The following MSN variants were observed in gnomAD, a reference collection of about 807,000 sequenced individuals.
MSN encodes the protein moesin.
Under a neutral mutation model 48.0 loss-of-function variants are expected in MSN, and 2 were observed. The ratio of observed to expected loss-of-function variants is 0.04; its 90% confidence interval spans 0.02 to 0.13. The LOEUF (loss-of-function observed/expected upper bound fraction) is 0.13. Among genes scored for constraint, MSN ranks in the 10% least tolerant of loss-of-function variants. The probability of loss-of-function intolerance (pLI) is 1.00; values close to 1 mark genes in which losing one functional copy is unlikely to be tolerated. For missense variants in MSN, 267 were observed against 470.1 expected (o/e 0.57, Z 3.99); for synonymous variants, 146 against 166.9 (o/e 0.87, Z 0.97).
chrX:65,703,724 G>A (rs928100956), intron 1 of MSN, among the ~76,000 whole-genome samples: 1 of 111,427 alleles, frequency 9.0e-6, no homozygotes, highest in African/African-American at 3.3e-5. Flanking sequence ...ACAGGCGTGC[G>A]CCACCATGCC....
chrX:65,678,467 G>C (rs753851334), intron 1 of MSN, among the ~76,000 whole-genome samples: 1 of 111,625 alleles, frequency 9.0e-6, no homozygotes, highest in Admixed American at 9.5e-5. Context: ...GCCTAAAGAG[G>C]TTCAGAGTGT....
intron 1 of MSN, among the ~76,000 whole-genome samples, chrX:65,710,729 T>TA (rs2071405345): frequency 9.0e-6 from 1 of 111,442 alleles, no homozygotes; most frequent in East Asian, 2.8e-4. Context: ...CTTTTTTTTT[T>TA]AGATGAAGTC....
chrX:65,736,065 A>T (rs2071672883), intron 8 of MSN, among the ~76,000 whole-genome samples: 1 of 112,258 alleles, frequency 8.9e-6, no homozygotes, highest in Non-Finnish European at 1.9e-5. Context: ...TAGGGCAGGC[A>T]GTGTTAGACC....
rs565992933 is a variant in MSN at position 65,608,699 on chromosome X, G to C, written c.-22+20087G>C. Among the ~76,000 whole-genome samples, 6 of 111,330 alleles carry C rather than the reference G, an allele frequency of 5.4e-5. No individual in the cohort carries two copies. The South Asian group carries it at 2.3e-3, about 43-fold the overall frequency. On this transcript the variant is annotated intron_variant, in intron 1 of 3. Coordinates refer to the MSN transcript ENST00000609672. ...TGGCAGAGTACATGGCATGCTGTCT[G>C]TGTGGAGTAAACAAGAGCTTTGGAA... is the stretch of plus-strand genomic sequence containing the variant.
Position 65,740,939 on chromosome X carries a change from A to G in MSN, c.*1046A>G, listed in dbSNP as rs13731. 0.18 allele frequency: 29,967 copies of G among 169,351 alleles called. 8,415 individuals carry two copies. Among genetic ancestry groups the G allele is most frequent in the African/African-American group, 0.82 (27,465 of 33,419 alleles). The allele number at this position is 169,351 out of a possible 1,213,427, so 14.0% of individuals were successfully genotyped here. On this transcript the variant is annotated 3_prime_UTR_variant, in exon 13 of 13. Transcript: ENST00000360270. Reference sequence around the variant, plus strand: ...ATAGCTCCTGCTCCACAGCCATCCCAGCCTTGGCATCTAGAGCTTGATGCC... The same window carrying G: ...ATAGCTCCTGCTCCACAGCCATCCCGGCCTTGGCATCTAGAGCTTGATGCC...
At chrX:65,619,441 G>T (rs1246380110) in intron 1 of MSN, among the ~76,000 whole-genome samples, 1 of 97,566 alleles carries the variant, frequency 1.0e-5, no homozygotes, top group Non-Finnish European at 1.9e-5. Flanking sequence ...TTCCCTTCTC[G>T]CTTCATTTCA....
chrX:65,678,456 G>A (rs1289591238), intron 1 of MSN, among the ~76,000 whole-genome samples: 1 of 111,557 alleles, frequency 9.0e-6, no homozygotes, highest in Non-Finnish European at 1.9e-5. Context: ...GGTCTCGATT[G>A]GCCTAAAGAG....
intron 1 of MSN, among the ~76,000 whole-genome samples, chrX:65,687,613 C>T (rs971307926): frequency 8.0e-5 from 9 of 111,821 alleles, no homozygotes; most frequent in African/African-American, 2.9e-4. Flanking sequence ...GAACTTTGCA[C>T]TCTGGAGCAA....
rs146321700 is a variant in MSN at position 65,731,925 on chromosome X, C to T, written c.639C>T (p.Gly213=). The T allele has an allele frequency of 1.2e-5, 15 of 1,208,318 alleles. No individual in the cohort carries two copies. The highest frequency in any genetic ancestry group is 1.3e-5 in the Non-Finnish European group (12 of 894,810). The change falls in exon 6 of 13, where the codon GGC becomes GGT. Residue 213 remains glycine, a synonymous_variant. Coordinates refer to ENST00000360270, the MANE Select transcript of MSN (RefSeq NM_002444.3). ...VNYFSIKNKK[G]SELWLGVDAL... ...ACTTCAGCATCAAGAACAAGAAAGG[C>T]TCAGAGCTGTGGCTGGGGGTGGATG... is the stretch of plus-strand genomic sequence containing the variant.
intron 1 of MSN, among the ~76,000 whole-genome samples, chrX:65,660,973 TG>T (rs1487590006): frequency 4.5e-5 from 5 of 111,127 alleles, no homozygotes; most frequent in Non-Finnish European, 7.5e-5. Context: ...TGTTTTGTTT[TG>T]TTTTTTTGAG....
At chrX:65,695,783 A>G (rs2071230915) in intron 1 of MSN, among the ~76,000 whole-genome samples, 1 of 106,455 alleles carries the variant, frequency 9.4e-6, no homozygotes, top group African/African-American at 3.9e-5. Flanking sequence ...CCTAATGCCA[A>G]AGTGGTGGGA....
At chrX:65,622,331 C>T (rs2070455944) in intron 1 of MSN, among the ~76,000 whole-genome samples, 2 of 108,876 alleles carry the variant, frequency 1.8e-5, no homozygotes, top group Non-Finnish European at 3.8e-5. Flanking sequence ...AACTCCTAGC[C>T]TCAAGTGATC....
rs563424542 is a variant in MSN at position 65,705,821 on chromosome X, A to T, written c.13-10997A>T. The stretch of plus-strand genomic sequence containing the variant: ...GCTGGGTCAAAACAAATGAAAGGGG[A>T]CCCTTGTCTCTGACGCCCTCTGGAG... On this transcript the variant is annotated intron_variant, in intron 1 of 12. Coordinates refer to ENST00000360270, the MANE Select transcript of MSN (RefSeq NM_002444.3). Among the ~76,000 whole-genome samples the T allele has an allele frequency of 2.7e-5, 3 of 111,447 alleles. No individual in the cohort carries two copies. The South Asian group carries it at 1.1e-3, about 42-fold the overall frequency.
chrX:65,688,343 G>T (rs1304709421), intron 1 of MSN, among the ~76,000 whole-genome samples: 1 of 111,911 alleles, frequency 8.9e-6, no homozygotes, highest in African/African-American at 3.2e-5. Context: ...CTCTCAAAGT[G>T]CTGGGATTAC....
intron 1 of MSN, among the ~76,000 whole-genome samples, chrX:65,606,020 G>A (rs1446320942): frequency 9.0e-6 from 1 of 111,175 alleles, no homozygotes; most frequent in African/African-American, 3.3e-5. Flanking sequence ...ACAGCTCACT[G>A]CAGCCTTGAC....
chrX:65,640,835 G>A (rs553488727), intron 1 of MSN, among the ~76,000 whole-genome samples: 1 of 111,698 alleles, frequency 9.0e-6, no homozygotes, highest in Non-Finnish European at 1.9e-5. Flanking sequence ...AGAGCCAGGC[G>A]CAGTGGCTCA....
At chrX:65,704,805 C>T (rs1202299280) in intron 1 of MSN, among the ~76,000 whole-genome samples, 2 of 104,545 alleles carry the variant, frequency 1.9e-5, no homozygotes, top group Admixed American at 1.0e-4. Context: ...AGTCTTGCTC[C>T]GTCACCCAGG....
At position 65,628,713 on chromosome X, in the gene MSN, T is replaced by C. The variant is rs185003620; in HGVS notation, c.-22+40101T>C. ...GTCCTTAAAAAAAATGTTTTTTTTTTCTACTGCATCATCAGGCTTCAAATT... is the reference window on the plus strand; with the variant it reads ...GTCCTTAAAAAAAATGTTTTTTTTTCCTACTGCATCATCAGGCTTCAAATT... On this transcript the variant is annotated intron_variant, in intron 1 of 3. Coordinates refer to the MSN transcript ENST00000609672. Among the ~76,000 whole-genome samples the C allele has an allele frequency of 1.1e-4, 12 of 111,491 alleles. No individual in the cohort carries two copies. The East Asian group carries it at 2.8e-3, about 26-fold the overall frequency.
chrX:65,629,008 G>A (rs910946241), intron 1 of MSN, among the ~76,000 whole-genome samples: 3 of 107,485 alleles, frequency 2.8e-5, no homozygotes, highest in East Asian at 2.9e-4. Context: ...GGAGGTTGCA[G>A]TCAGTGAGCC....
Sources: gnomAD v4.1 joint callset for allele counts (sites outside exome capture counted in the v4.1 genomes callset) on GRCh38, gnomAD v4.1.1 for gene constraint, MANE v1.5 for transcripts, NCBI Gene and HGNC (gene_info 2026-07-23, HGNC 2026-07-21) for gene names.